GRIK3: variants seen among roughly 807,000 people sequenced by gnomAD.
The protein encoded by GRIK3 is glutamate ionotropic receptor kainate type subunit 3, also known as glutamate receptor ionotropic, kainate 3.
In GRIK3, 29 loss-of-function variants were observed where a neutral mutation model predicts 102.5. The ratio of observed to expected loss-of-function variants is 0.28; its 90% CI spans 0.21 to 0.39. The LOEUF is 0.39. Among genes scored for constraint, GRIK3 ranks in the 10% least tolerant of loss-of-function variants. GRIK3 has a pLI of 1.00. For missense variants in GRIK3, 908 were observed against 1,252.4 expected (o/e 0.73, Z 4.15); for synonymous variants, 511 against 504.9 (o/e 1.01, Z -0.16).
chr1:36,963,153 C>T (rs374112772), intron 1 of GRIK3, among the ~76,000 whole-genome samples: 2 of 152,130 alleles, frequency 1.3e-5, no homozygotes, highest in Non-Finnish European at 1.5e-5. Context: ...TGCCCAGTGT[C>T]GTCTCCCCAT....
Position 36,805,147 on chromosome 1 carries a change from C to T in GRIK3, c.2405G>A (p.Gly802Asp). ...GTTTTCCTCCTCAGGACACCCGCTGCCCCGCCACCACTTCTCCTTCATGAT... is the reference window on the plus strand; with the variant it reads ...GTTTTCCTCCTCAGGACACCCGCTGTCCCGCCACCACTTCTCCTTCATGAT... The part of the protein sequence containing the change: ...LHIMKEKWWR[G>D]SGCPEEENKE... The change falls in exon 15 of 16, where the codon GGC (glycine) becomes GAC (aspartate). Residue 802 changes from glycine (G) to aspartate (D), a missense_variant. Physicochemically the swap from Gly to Asp is moderately conservative, Grantham distance 94. This residue lies in a region of GRIK3 where 297 missense variants were observed against 362.7 expected (regional missense o/e 0.82). Transcript: ENST00000373091. 1.2e-6 allele frequency: 2 copies of T among 1,614,210 alleles called. No homozygotes were observed. Among genetic ancestry groups the T allele is most frequent in the Non-Finnish European group, 1.7e-6 (2 of 1,180,038 alleles).
intron 1 of GRIK3, among the ~76,000 whole-genome samples, chr1:36,917,247 C>T (rs188245789): frequency 6.6e-6 from 1 of 152,150 alleles, no homozygotes; most frequent in African/African-American, 2.4e-5. Context: ...GCCTGTAATG[C>T]CATTTTATCG....
rs562242761 is a variant in GRIK3, at chr1:36,824,026, A to G, written c.1754+1577T>C. Among the ~76,000 whole-genome samples the G allele has an allele frequency of 4.3e-4, 65 of 152,132 alleles. 1 individual carries two copies. Among genetic ancestry groups the G allele is most frequent in the African/African-American group, 1.5e-3 (61 of 41,514 alleles). On this transcript the variant is annotated intron_variant, in intron 11 of 15. Coordinates refer to ENST00000373091, the MANE Select transcript of GRIK3 (RefSeq NM_000831.4). ...ACAAGTGCACTCTGATGCTCTTCCT[A>G]GCTCGGCGGCCAAAACTCTTGTCCC...
chr1:37,031,778 T>TTC, intron 1 of GRIK3, among the ~76,000 whole-genome samples: 1 of 152,222 alleles, frequency 6.6e-6, no homozygotes, highest in Admixed American at 6.5e-5. Context: ...TAGCATGAGA[T>TTC]TCTCTCTCTC....
chr1:36,997,662 G>A (rs1642435214), intron 1 of GRIK3, among the ~76,000 whole-genome samples: 1 of 152,110 alleles, frequency 6.6e-6, no homozygotes, highest in Non-Finnish European at 1.5e-5. Flanking sequence ...GCCCACCTTG[G>A]GAGGGGCCGG....
Position 36,863,722 on chromosome 1 carries a change from G to A in GRIK3, c.787-3705C>T, listed in dbSNP as rs61769818. Among the ~76,000 whole-genome samples the A allele has an allele frequency of 2.3e-3, 349 of 152,236 alleles. 4 individuals carry two copies. Among genetic ancestry groups the A allele is most frequent in the Non-Finnish European group, 3.1e-3 (210 of 68,028 alleles). On this transcript the variant is annotated intron_variant, in intron 5 of 15. Coordinates refer to ENST00000373091, the MANE Select transcript of GRIK3 (RefSeq NM_000831.4). Reference sequence around the variant, plus strand: ...CCTGTACACATGCACAACAGAGTGCGTCAGACGCGATTCTGCTCTTATCCT... The same window carrying A: ...CCTGTACACATGCACAACAGAGTGCATCAGACGCGATTCTGCTCTTATCCT...
intron 1 of GRIK3, among the ~76,000 whole-genome samples, chr1:36,918,816 C>A (rs1280257420): frequency 6.6e-6 from 1 of 152,228 alleles, no homozygotes; most frequent in Admixed American, 6.5e-5. Flanking sequence ...ATAAACCCCA[C>A]ATTCTTGGCC....
intron 1 of GRIK3, among the ~76,000 whole-genome samples, chr1:36,941,164 G>A (rs1373976891): frequency 6.6e-6 from 1 of 152,120 alleles, no homozygotes; most frequent in Admixed American, 6.5e-5. Context: ...TTCAGATCAG[G>A]ATGGACTCTC....
At chr1:36,904,276 G>A (rs558540094) in intron 1 of GRIK3, among the ~76,000 whole-genome samples, 6 of 152,354 alleles carry the variant, frequency 3.9e-5, no homozygotes, top group South Asian at 4.1e-4. Flanking sequence ...GGTGTGCATC[G>A]ACATGCCGAG....
chr1:36,973,999 C>T (rs923263349), intron 1 of GRIK3, among the ~76,000 whole-genome samples: 1 of 152,150 alleles, frequency 6.6e-6, no homozygotes, highest in Non-Finnish European at 1.5e-5. Flanking sequence ...GCTTCTCTGT[C>T]CTCCAGTGAG....
chr1:36,868,390 C>T (rs1430472763), intron 5 of GRIK3, among the ~76,000 whole-genome samples: 2 of 152,230 alleles, frequency 1.3e-5, no homozygotes, highest in African/African-American at 4.8e-5. Flanking sequence ...TTTCTCCCAG[C>T]ATGGCTCCTG....
intron 7 of GRIK3, among the ~76,000 whole-genome samples, chr1:36,857,988 A>T (rs996638969): frequency 6.6e-6 from 1 of 152,218 alleles, no homozygotes; most frequent in Admixed American, 6.5e-5. Flanking sequence ...GATTGAATAA[A>T]TGAGTGTGCT....
rs560784500 is a variant in GRIK3 at position 36,868,003 on chromosome 1, C to G, written c.786+1745G>C. On this transcript the variant is annotated intron_variant, in intron 5 of 15. Transcript: ENST00000373091. ...CTGGGGAAGGCACCACCCCAGTGAC[C>G]CCAGTACCTTCCACGTTAATGCCAT... Among the ~76,000 whole-genome samples the G allele has an allele frequency of 7.2e-5, 11 of 152,226 alleles. No homozygotes were observed. In the South Asian group the frequency reaches 1.0e-3, roughly 14 times the overall value.
intron 1 of GRIK3, among the ~76,000 whole-genome samples, chr1:36,925,645 G>A (rs773574906): frequency 6.6e-6 from 1 of 152,254 alleles, no homozygotes; most frequent in Non-Finnish European, 1.5e-5. Flanking sequence ...AGTGCAGCCA[G>A]TGTGGCCACT....
chr1:36,889,654 G>C (rs60926661), intron 2 of GRIK3, among the ~76,000 whole-genome samples: 1 of 152,112 alleles, frequency 6.6e-6, no homozygotes, highest in Non-Finnish European at 1.5e-5. Context: ...GTTTCACATA[G>C]GGCAGGACTA....
intron 1 of GRIK3, among the ~76,000 whole-genome samples, chr1:36,920,719 AAGGG>A (rs1641457474): frequency 6.6e-6 from 1 of 152,132 alleles, no homozygotes; most frequent in South Asian, 2.1e-4. Context: ...GCCCCTCCAG[AAGGG>A]AGCTGTGGAG....
At chr1:36,940,664 C>T (rs1490989713) in intron 1 of GRIK3, among the ~76,000 whole-genome samples, 1 of 152,204 alleles carries the variant, frequency 6.6e-6, no homozygotes, top group Non-Finnish European at 1.5e-5. Flanking sequence ...AGGGGCCTGG[C>T]AGAGGAGAAG....
chr1:36,805,292 T>C, intron 14 of GRIK3, 55 bp from the exon 15 acceptor site: 1 of 1,549,488 alleles, frequency 6.5e-7, no homozygotes, highest in Non-Finnish European at 8.7e-7. Context: ...CATTCTGTGT[T>C]TGGCTCTGCC....
chr1:36,817,578 A>C (rs999054017), intron 12 of GRIK3, among the ~76,000 whole-genome samples: 4 of 152,184 alleles, frequency 2.6e-5, no homozygotes, highest in Non-Finnish European at 5.9e-5. Context: ...AAATTTAAGA[A>C]TCGCTCTTCT....
Sources: allele counts gnomAD v4.1 joint callset (sites outside exome capture counted in the v4.1 genomes callset), GRCh38; gene constraint gnomAD v4.1.1; regional missense constraint gnomAD v4.1.1; transcripts MANE v1.5; gene names NCBI Gene and HGNC (gene_info 2026-07-23, HGNC 2026-07-21).